The following MTURN variants were observed in gnomAD, a reference collection of about 807,000 sequenced individuals.
MTURN encodes maturin.
A neutral mutation model predicts 14.9 loss-of-function variants in MTURN; 7 were observed. The ratio of observed to expected loss-of-function variants is 0.47; its 90% CI spans 0.27 to 0.88. The LOEUF is 0.88. Ranked by LOEUF, MTURN falls within the 40% of genes least tolerant of loss-of-function variation. MTURN has a pLI of 0.14. For synonymous variants in MTURN, 69 were observed against 72.5 expected, an observed-to-expected ratio of 0.95 and a Z score of 0.25; for missense variants, 151 against 174.1, an observed-to-expected ratio of 0.87 and a Z score of 0.75.
At chr7:30,136,062 T>G (rs903919863) in intron 1 of MTURN, among the ~76,000 whole-genome samples, 10 of 151,992 alleles carry the variant, frequency 6.6e-5, no homozygotes, top group African/African-American at 1.9e-4. Flanking sequence ...CGCGCTGCCC[T>G]CGCTGCCTCT....
At chr7:30,140,388 T>G (rs1397685952) in intron 1 of MTURN, among the ~76,000 whole-genome samples, 1 of 148,220 alleles carries the variant, frequency 6.7e-6, no homozygotes, top group African/African-American at 2.5e-5. Context: ...CATGTGTTTG[T>G]AGAGGGGTGT....
At position 30,162,074 on chromosome 7, in the gene MTURN, A is replaced by T. The variant is rs991169382; in HGVS notation, c.*4526A>T. 1 of 152,076 alleles carries T rather than the reference A, an allele frequency of 6.6e-6. No individual in the cohort carries two copies. Among genetic ancestry groups the T allele is most frequent in the African/African-American group, 2.4e-5 (1 of 41,400 alleles). 9.4% of individuals were successfully genotyped at this position (152,076 alleles called of 1,614,324 possible). ...AAAATATAGTACCCATGAGCATTTC[A>T]TGTTAGAAACCCCATTTAAAGCACT... On this transcript the variant is annotated 3_prime_UTR_variant, in exon 3 of 3. Transcript: ENST00000324453.
At chr7:30,146,152 C>T (rs768715496) in intron 1 of MTURN, 25 bp from the exon 2 acceptor site, 4 of 1,613,314 alleles carry the variant, frequency 2.5e-6, no homozygotes, top group South Asian at 1.1e-5. Flanking sequence ...TTTGTTTTCT[C>T]CTTCCGTCGC....
chr7:30,140,505 T>A (rs767334779), intron 1 of MTURN, among the ~76,000 whole-genome samples: 1 of 152,044 alleles, frequency 6.6e-6, no homozygotes, highest in African/African-American at 2.4e-5. Flanking sequence ...ATAGAACTTA[T>A]TTAAATGAGA....
At chr7:30,153,580 T>G (rs1157592687) in intron 2 of MTURN, among the ~76,000 whole-genome samples, 2 of 152,168 alleles carry the variant, frequency 1.3e-5, no homozygotes, top group African/African-American at 4.8e-5. Context: ...GGCAAGTTAC[T>G]CAACCTCTTC....
intron 2 of MTURN, among the ~76,000 whole-genome samples, chr7:30,155,527 AAG>A (rs1280446860): frequency 6.6e-6 from 1 of 152,140 alleles, no homozygotes; most frequent in East Asian, 1.9e-4. Flanking sequence ...GAGCCGGAAA[AAG>A]AGACTTTCTT....
chr7:30,145,695 A>G (rs538575094), intron 1 of MTURN: 3 of 778,004 alleles, frequency 3.9e-6, no homozygotes, highest in African/African-American at 3.5e-5. Flanking sequence ...TAAATTTACC[A>G]CCACGCCTAC....
rs1797357263 is a variant in MTURN, at chr7:30,160,676, A to G, written c.*3128A>G. 2.0e-5 allele frequency: 3 copies of G among 152,288 alleles called. No individual in the cohort carries two copies. The highest frequency in any genetic ancestry group is 7.2e-5 in the African/African-American group (3 of 41,468). The allele number at this position is 152,288 out of a possible 1,614,324, so 9.4% of individuals were successfully genotyped here. Reference sequence around the variant, plus strand: ...TGAAATCCAAAATCATGCCTTGATAACATTACAAAACCGTGATCCTGGGTT... The same window carrying G: ...TGAAATCCAAAATCATGCCTTGATAGCATTACAAAACCGTGATCCTGGGTT... On this transcript the variant is annotated 3_prime_UTR_variant, in exon 3 of 3. Transcript: ENST00000324453.
intron 1 of MTURN, among the ~76,000 whole-genome samples, chr7:30,136,364 G>A (rs1796961239): frequency 6.6e-6 from 1 of 152,196 alleles, no homozygotes; most frequent in Non-Finnish European, 1.5e-5. Flanking sequence ...CCAAGGTCGG[G>A]GAATAAATAA....
In MTURN at chr7:30,157,525, C is replaced by G. The variant is rs1308219531; in HGVS notation, c.373C>G (p.Gln125Glu). 6.2e-7 allele frequency: 1 copy of G among 1,602,828 alleles called. No homozygotes were observed. The change falls in exon 3 of 3, where the codon CAG becomes GAG. Residue 125 changes from glutamine to glutamate, a missense_variant. By Grantham distance (29) the Gln-to-Glu change is conservative. Coordinates refer to ENST00000324453, the MANE Select transcript of MTURN (RefSeq NM_152793.3). ...AGAGGAGCCAGAGGCGGACCACCCC[C>G]AGATGGGGGTCAGCCAGCAGTAAAT... is the stretch of plus-strand genomic sequence containing the variant. ...EEEEPEADHPQMGVSQQ is the reference protein window; with the variant it reads ...EEEEPEADHPEMGVSQQ
intron 1 of MTURN, among the ~76,000 whole-genome samples, chr7:30,145,586 T>G (rs1797117166): frequency 6.6e-6 from 1 of 152,230 alleles, no homozygotes; most frequent in Non-Finnish European, 1.5e-5. Flanking sequence ...TGATGTCCTT[T>G]TAAAGCATTT....
Position 30,135,030 on chromosome 7 carries a change from C to T in MTURN, c.-107C>T. 9.9e-7 allele frequency: 1 copy of T among 1,005,506 alleles called. No individual in the cohort carries two copies. Among genetic ancestry groups the T allele is most frequent in the Non-Finnish European group, 1.2e-6 (1 of 819,728 alleles). The allele number at this position is 1,005,506 out of a possible 1,614,324, so 62.3% of individuals were successfully genotyped here. ...CAGTCCCAGCCGGCCCAGCCCGGCCCCGGAGGAGCCCGCGCAGGCCGAGCC... is the reference window on the plus strand; with the variant it reads ...CAGTCCCAGCCGGCCCAGCCCGGCCTCGGAGGAGCCCGCGCAGGCCGAGCC... On this transcript the variant is annotated 5_prime_UTR_variant, in exon 1 of 3. Coordinates refer to ENST00000324453, the MANE Select transcript of MTURN (RefSeq NM_152793.3).
chr7:30,140,706 T>G (rs1797038139), intron 1 of MTURN, among the ~76,000 whole-genome samples: 1 of 152,164 alleles, frequency 6.6e-6, no homozygotes, highest in African/African-American at 2.4e-5. Context: ...TGGCTGTGCC[T>G]GTTCATATAG....
intron 2 of MTURN, among the ~76,000 whole-genome samples, chr7:30,151,720 GGTT>G (rs1441299605): frequency 6.6e-6 from 1 of 152,164 alleles, no homozygotes; most frequent in Non-Finnish European, 1.5e-5. Flanking sequence ...TGTGCTGTTT[GGTT>G]GTTGTTGCTT....
rs1796924587 is a variant in MTURN at position 30,135,168 on chromosome 7, A to G, written c.32A>G (p.Glu11Gly). 1 of 1,478,968 alleles carries G rather than the reference A, an allele frequency of 6.8e-7. No individual in the cohort carries two copies. The highest frequency in any genetic ancestry group is 1.3e-5 in the South Asian group (1 of 79,118). 91.6% of individuals were successfully genotyped at this position (1,478,968 alleles called of 1,614,324 possible). A position where few individuals can be genotyped will look rare whatever the true frequency, so the allele number is the denominator to read the frequency against. ...TTCCAGCAGCTGGCCGACGTTGCGG[A>G]GAAATGGTGCTCCAACACGCCCTTC... is the stretch of plus-strand genomic sequence containing the variant. Reference protein sequence around the residue: MDFQQLADVAEKWCSNTPFEL... With the variant: MDFQQLADVAGKWCSNTPFEL... The change falls in exon 1 of 3, where the codon GAG becomes GGG. Residue 11 changes from glutamate (E) to glycine (G), a missense_variant. Transcript: ENST00000324453.
intron 1 of MTURN, among the ~76,000 whole-genome samples, chr7:30,144,912 C>T (rs1432732140): frequency 6.8e-6 from 1 of 147,708 alleles, no homozygotes. Flanking sequence ...GTCTTTCTTT[C>T]TCCCAGACCT....
intron 2 of MTURN, 150 bp downstream of exon 2, chr7:30,146,449 A>T: frequency 1.0e-6 from 1 of 1,001,330 alleles, no homozygotes; most frequent in Non-Finnish European, 1.4e-6. Context: ...CAGCCAGTAT[A>T]GGGAGGCCGA....
chr7:30,135,345 G>A (rs759747543), intron 1 of MTURN, 47 bp downstream of exon 1: 13 of 1,456,736 alleles, frequency 8.9e-6, no homozygotes, highest in Non-Finnish European at 1.1e-5. Flanking sequence ...GAGTGTGGAC[G>A]CGGCGGTGCG....
At chr7:30,156,255 A>G (rs1797286081) in intron 2 of MTURN, among the ~76,000 whole-genome samples, 1 of 152,230 alleles carries the variant, frequency 6.6e-6, no homozygotes, top group Non-Finnish European at 1.5e-5. Flanking sequence ...CAGCAATTGG[A>G]AAATACAAAA....
Sources: gnomAD v4.1 joint callset for allele counts (sites outside exome capture counted in the v4.1 genomes callset) on GRCh38, gnomAD v4.1.1 for gene constraint, MANE v1.5 for transcripts, NCBI Gene and HGNC (gene_info 2026-07-23, HGNC 2026-07-21) for gene names.